Variants in NSD2 observed in about 807,000 individuals in gnomAD.
NSD2 encodes the protein histone-lysine N-methyltransferase NSD2.
A neutral mutation model predicts 139.0 loss-of-function variants in NSD2; 12 were observed. The ratio of observed to expected loss-of-function variants is 0.09; its 90% CI spans 0.06 to 0.14. NSD2 has a LOEUF of 0.14. Among genes scored for constraint, NSD2 ranks in the 10% least tolerant of loss-of-function variants. The pLI is 1.00. For missense variants in NSD2, 1,155 were observed against 1,745.0 expected, an observed-to-expected ratio of 0.66 and a Z score of 6.02; for synonymous variants, 669 against 648.7, an observed-to-expected ratio of 1.03 and a Z score of -0.48.
At chr4:1,890,602 A>G (rs1052952652) in intron 1 of NSD2, among the ~76,000 whole-genome samples, 2 of 143,908 alleles carry the variant, frequency 1.4e-5, no homozygotes, top group African/African-American at 5.2e-5. Flanking sequence ...CACCCGGCCT[A>G]TACAAGGTTT....
At chr4:1,922,233 C>T (rs1720242196) in intron 5 of NSD2, among the ~76,000 whole-genome samples, 1 of 152,030 alleles carries the variant, frequency 6.6e-6, no homozygotes, top group South Asian at 2.1e-4. Context: ...AGAGAATGTA[C>T]AGAAAATCTT....
At chr4:1,938,361 T>C in intron 7 of NSD2, 90 bp from the exon 8 acceptor site, 11 of 1,185,774 alleles carry the variant, frequency 9.3e-6, no homozygotes, top group Non-Finnish European at 1.2e-5. Context: ...TTTCTTTTCC[T>C]TTTGTTGTTC....
Position 1,973,447 on chromosome 4 carries a change from G to T in NSD2, c.3373-1416G>T, listed in dbSNP as rs549748546. 1.1e-3 allele frequency among the ~76,000 whole-genome samples: 165 copies of T among 152,364 alleles called. 1 individual carries two copies. The highest frequency in any genetic ancestry group is 2.0e-3 in the Non-Finnish European group (135 of 68,032). Reference sequence around the variant, plus strand: ...GGTGTGCATGCCAACGTGCACATCAGCACCGCGGCTCAGCGCGTCATGACA... The same window carrying T: ...GGTGTGCATGCCAACGTGCACATCATCACCGCGGCTCAGCGCGTCATGACA... On this transcript the variant is annotated intron_variant, in intron 18 of 21. Coordinates refer to ENST00000508803, the MANE Select transcript of NSD2 (RefSeq NM_001042424.3). This position sits in a 1 kb window ranked among gnomAD's most constrained non-coding sequence, Gnocchi z 5.5.
At chr4:1,890,129 A>T (rs1715416835) in intron 1 of NSD2, among the ~76,000 whole-genome samples, 1 of 152,166 alleles carries the variant, frequency 6.6e-6, no homozygotes, top group Non-Finnish European at 1.5e-5. Context: ...ATGTTTATCT[A>T]TGTTGTAGCA....
intron 9 of NSD2, chr4:1,946,476 G>A: frequency 1.4e-6 from 1 of 705,986 alleles, no homozygotes; most frequent in East Asian, 8.0e-5. Context: ...TCGCCATATT[G>A]GCCAGGCTGG....
In NSD2 at chr4:1,955,905, T is replaced by G. The variant is rs1168443775; in HGVS notation, c.2675+56T>G. On this transcript the variant is annotated intron_variant, in intron 14 of 21. Coordinates refer to ENST00000508803, the MANE Select transcript of NSD2 (RefSeq NM_001042424.3). This position sits in a 1 kb window ranked among gnomAD's most constrained non-coding sequence, Gnocchi z 4.7. ...TCTTTTCTGTTCACATGTGTTCGCT[T>G]TACAGTACTTAAAGTATTGAAATTA... The G allele has an allele frequency of 1.2e-6, 2 of 1,610,600 alleles. No individual in the cohort carries two copies. The highest frequency in any genetic ancestry group is 1.7e-6 in the Non-Finnish European group (2 of 1,177,366).
At chr4:1,952,342 C>T in intron 11 of NSD2, 111 bp downstream of exon 11, 4 of 1,478,192 alleles carry the variant, frequency 2.7e-6, no homozygotes, top group Non-Finnish European at 3.6e-6. Flanking sequence ...CCCCTCCCCA[C>T]CCCCACCGCC....
rs890659143 is a variant in NSD2, at chr4:1,947,807, A to T, written c.1882-3265A>T. On this transcript the variant is annotated intron_variant, in intron 9 of 21. Coordinates refer to ENST00000508803, the MANE Select transcript of NSD2 (RefSeq NM_001042424.3). ...GTTCAAGGTCTGTAATTGTATTTCA[A>T]AAACGATGTCGTATTCAAGTTGTGA... 3 of 1,048,580 alleles carry T rather than the reference A, an allele frequency of 2.9e-6. No individual in the cohort carries two copies. The Admixed American group carries it at 1.7e-4, about 58-fold the overall frequency. The allele number at this position is 1,048,580 out of a possible 1,614,324, so 65.0% of individuals were successfully genotyped here. A position where few individuals can be genotyped will look rare whatever the true frequency, so the allele number is the denominator to read the frequency against.
At position 1,956,290 on chromosome 4, in the gene NSD2, T is replaced by A; in HGVS notation, c.2881+102T>A. ...TTGATCTTTATAGAAAATACTGGAC[T>A]AAGCATTCAATCTGTTTTTTTAAAT... On this transcript the variant is annotated intron_variant, in intron 15 of 21. Coordinates refer to ENST00000508803, the MANE Select transcript of NSD2 (RefSeq NM_001042424.3). The surrounding 1 kb of genome is among the most constrained non-coding windows in gnomAD (Gnocchi z 5.3). 1 of 1,032,798 alleles carries A rather than the reference T, an allele frequency of 9.7e-7. No individual in the cohort carries two copies. The highest frequency in any genetic ancestry group is 1.4e-6 in the Non-Finnish European group (1 of 740,560). 64.0% of individuals were successfully genotyped at this position (1,032,798 alleles called of 1,614,324 possible).
chr4:1,980,977 C>T lies in NSD2; in HGVS notation c.*2068C>T, dbSNP rs535882047. 1 of 233,320 alleles carries T rather than the reference C, an allele frequency of 4.3e-6. No homozygotes were observed. The highest frequency in any genetic ancestry group is 1.8e-4 in the South Asian group (1 of 5,532). 14.5% of individuals were successfully genotyped at this position (233,320 alleles called of 1,614,324 possible). A position where few individuals can be genotyped will look rare whatever the true frequency, so the allele number is the denominator to read the frequency against. ...TAGAGTCGAAGGCCCCAGGGCCCCGCTGTCACTTGCCCAAAAGATCCCTTC... is the reference window on the plus strand; with the variant it reads ...TAGAGTCGAAGGCCCCAGGGCCCCGTTGTCACTTGCCCAAAAGATCCCTTC... On this transcript the variant is annotated 3_prime_UTR_variant, in exon 22 of 22. Coordinates refer to ENST00000508803, the MANE Select transcript of NSD2 (RefSeq NM_001042424.3).
In NSD2 at chr4:1,980,415, CCTTTT is replaced by C. The variant is rs1727643293; in HGVS notation, c.*1510_*1514del. 1 of 232,936 alleles carries C rather than the reference CCTTTT, an allele frequency of 4.3e-6. No homozygotes were observed. The highest frequency in any genetic ancestry group is 2.2e-5 in the African/African-American group (1 of 45,292). 14.4% of individuals were successfully genotyped at this position (232,936 alleles called of 1,614,324 possible). A position where few individuals can be genotyped will look rare whatever the true frequency, so the allele number is the denominator to read the frequency against. ...TTCAGCAGCAGGTGCTTTTTTATGGCCTTTTCTTAAAATAACCTAAGGGGGACACA... is the reference window on the plus strand; with the variant it reads ...TTCAGCAGCAGGTGCTTTTTTATGGCCTTAAAATAACCTAAGGGGGACACA... On this transcript the variant is annotated 3_prime_UTR_variant, in exon 22 of 22. Transcript: ENST00000508803.
chr4:1,974,634 C>T lies in NSD2; in HGVS notation c.3373-229C>T, dbSNP rs747572764. On this transcript the variant is annotated intron_variant, in intron 18 of 21. Transcript: ENST00000508803. This position sits in a 1 kb window ranked among gnomAD's most constrained non-coding sequence, Gnocchi z 4.0. ...CTCCAGCTCCCTGTCCTGTCCTCCC[C>T]GGCGCTCACTAAGGCTCGGTCCTCT... 8 of 701,492 alleles carry T rather than the reference C, an allele frequency of 1.1e-5. No homozygotes were observed. Among genetic ancestry groups the T allele is most frequent in the Middle Eastern group, 2.5e-4 (1 of 3,988 alleles). The allele number at this position is 701,492 out of a possible 1,614,324, so 43.5% of individuals were successfully genotyped here.
intron 6 of NSD2, among the ~76,000 whole-genome samples, chr4:1,933,946 T>G (rs1381837914): frequency 6.6e-6 from 1 of 152,156 alleles, no homozygotes; most frequent in East Asian, 1.9e-4. Flanking sequence ...GAGGAAGCCC[T>G]TAATTTGCAT....
chr4:1,873,373 G>A (rs1020841946), intron 1 of NSD2, among the ~76,000 whole-genome samples: 6 of 152,162 alleles, frequency 3.9e-5, no homozygotes, highest in African/African-American at 1.4e-4. Context: ...GTATCTATTC[G>A]TATGTAACAT....
At chr4:1,896,079 T>A (rs1716251551) in intron 1 of NSD2, among the ~76,000 whole-genome samples, 1 of 152,250 alleles carries the variant, frequency 6.6e-6, no homozygotes, top group Non-Finnish European at 1.5e-5. Flanking sequence ...TAGAGGCTCT[T>A]GGCCGGGGTC....
chr4:1,978,963 C>G lies in NSD2; in HGVS notation c.*54C>G. On this transcript the variant is annotated 3_prime_UTR_variant, in exon 22 of 22. Coordinates refer to ENST00000508803, the MANE Select transcript of NSD2 (RefSeq NM_001042424.3). Reference sequence around the variant, plus strand: ...GGGCGGTGCAGGGCGGCCGGCCCTGCCTGCGGGAGAGGGCGAGCATGAACT... The same window carrying G: ...GGGCGGTGCAGGGCGGCCGGCCCTGGCTGCGGGAGAGGGCGAGCATGAACT... 6.9e-7 allele frequency: 1 copy of G among 1,444,300 alleles called. No homozygotes were observed. The allele number at this position is 1,444,300 out of a possible 1,614,324, so 89.5% of individuals were successfully genotyped here. A position where few individuals can be genotyped will look rare whatever the true frequency, so the allele number is the denominator to read the frequency against.
At chr4:1,883,836 C>T (rs866221431) in intron 1 of NSD2, among the ~76,000 whole-genome samples, 4 of 152,196 alleles carry the variant, frequency 2.6e-5, no homozygotes, top group Non-Finnish European at 4.4e-5. Flanking sequence ...CGATAAGAAG[C>T]GAGTGTGGCC....
intron 9 of NSD2, chr4:1,943,399 C>T (rs1406912227): frequency 9.6e-7 from 1 of 1,041,606 alleles, no homozygotes; most frequent in Non-Finnish European, 1.2e-6. Flanking sequence ...CCTGTTGTGA[C>T]AGTAATAATG....
Position 1,981,576 on chromosome 4 carries a change from G to C in NSD2, c.*2667G>C, listed in dbSNP as rs1727767281. ...TGTGTCCGAATGGGCAGCTTAAAATGTGGTCACCTGTGGGGGAAACTCTTC... is the reference window on the plus strand; with the variant it reads ...TGTGTCCGAATGGGCAGCTTAAAATCTGGTCACCTGTGGGGGAAACTCTTC... On this transcript the variant is annotated 3_prime_UTR_variant, in exon 22 of 22. Coordinates refer to ENST00000508803, the MANE Select transcript of NSD2 (RefSeq NM_001042424.3). The C allele has an allele frequency of 5.8e-6, 2 of 346,024 alleles. No individual in the cohort carries two copies. Among genetic ancestry groups the C allele is most frequent in the African/African-American group, 2.1e-5 (1 of 47,898 alleles). 21.4% of individuals were successfully genotyped at this position (346,024 alleles called of 1,614,324 possible).
Sources: allele counts gnomAD v4.1 joint callset (sites outside exome capture counted in the v4.1 genomes callset), GRCh38; gene constraint gnomAD v4.1.1; non-coding constraint Gnocchi (gnomAD v3.1); transcripts MANE v1.5; gene names NCBI Gene and HGNC (gene_info 2026-07-23, HGNC 2026-07-21).